The following AP3D1 variants were observed in gnomAD, a reference collection of about 807,000 sequenced individuals.
AP3D1 encodes adaptor related protein complex 3 subunit delta 1, also known as AP-3 complex subunit delta-1.
In AP3D1, 51 loss-of-function variants were observed where a neutral mutation model predicts 147.6. That is an observed-to-expected ratio of 0.35 (90% confidence interval 0.28 to 0.44). The LOEUF (loss-of-function observed/expected upper bound fraction) is 0.44. Among genes scored for constraint, AP3D1 ranks in the 20% least tolerant of loss-of-function variants. The pLI, the probability that AP3D1 is intolerant of heterozygous loss-of-function variation, is 1.00. For synonymous variants in AP3D1, 760 were observed against 663.0 expected (o/e 1.15, Z -2.25); for missense variants, 1,421 against 1,624.2 (o/e 0.87, Z 2.15).
chr19:2,161,126 ACTGT>A (rs2019693521), intron 1 of AP3D1, among the ~76,000 whole-genome samples: 1 of 145,954 alleles, frequency 6.9e-6, no homozygotes, highest in Non-Finnish European at 1.5e-5. Flanking sequence ...CCTGGTTTAC[ACTGT>A]CTGGCCCATC....
intron 14 of AP3D1, among the ~76,000 whole-genome samples, chr19:2,119,404 GA>G (rs1191792464): frequency 4.0e-5 from 6 of 148,912 alleles, no homozygotes; most frequent in Non-Finnish European, 9.0e-5. Flanking sequence ...TAAAAATACA[GA>G]AAGTGAGGGC....
intron 5 of AP3D1, among the ~76,000 whole-genome samples, 172 bp downstream of exon 5, chr19:2,132,299 C>T (rs921277568): frequency 6.6e-6 from 1 of 152,238 alleles, no homozygotes; most frequent in Non-Finnish European, 1.5e-5. Flanking sequence ...GGAACCAAAG[C>T]GGCCCAAGAG....
rs772250918 is a variant in AP3D1 at position 2,116,693 on chromosome 19, T to G, written c.1913A>C (p.Asp638Ala). ...NEPLSDSESE[D>A]ERPRAVFHEE... ...GTGGAAGACGGCCCTGGGCCTCTCG[T>G]CCTCTGACTCGCTGTCCGAGAGTGG... The change falls in exon 17 of 32, where the codon GAC becomes GCC. Residue 638 changes from aspartate to alanine, a missense_variant. By Grantham distance (126) the Asp-to-Ala change is moderately radical. Coordinates refer to ENST00000643116, the MANE Select transcript of AP3D1 (RefSeq NM_001261826.3). 1.2e-6 allele frequency: 2 copies of G among 1,611,012 alleles called. No individual in the cohort carries two copies. The highest frequency in any genetic ancestry group is 1.7e-4 in the Middle Eastern group (1 of 6,030).
upstream of AP3D1, among the ~76,000 whole-genome samples, chr19:2,154,112 T>A (rs938759739): frequency 3.9e-5 from 6 of 151,978 alleles, no homozygotes; most frequent in African/African-American, 1.5e-4. Context: ...CACCTCCAGC[T>A]AATTTTTGTA....
intron 1 of AP3D1, among the ~76,000 whole-genome samples, chr19:2,140,327 G>A (rs1217189184): frequency 6.6e-6 from 1 of 152,132 alleles, no homozygotes; most frequent in African/African-American, 2.4e-5. Context: ...GTGCACCCGA[G>A]GGGATGGAAA....
chr19:2,120,088 C>A (rs899197577), intron 14 of AP3D1, among the ~76,000 whole-genome samples: 3 of 152,092 alleles, frequency 2.0e-5, no homozygotes, highest in African/African-American at 7.2e-5. Context: ...CTCGGTGTGG[C>A]CGTGATGAGC....
At chr19:2,111,942 G>A in intron 24 of AP3D1, 114 bp from the exon 25 acceptor site, 1 of 1,517,858 alleles carries the variant, frequency 6.6e-7, no homozygotes, top group Non-Finnish European at 8.9e-7. Flanking sequence ...CACGTGCCTG[G>A]GTGGGATGGC....
At chr19:2,115,197 C>T (rs1018230332) in intron 20 of AP3D1, 22 bp downstream of exon 20, 38 of 1,604,782 alleles carry the variant, frequency 2.4e-5, no homozygotes, top group Non-Finnish European at 3.1e-5. Flanking sequence ...ATCCTAGGAC[C>T]GGGACCTCCA....
chr19:2,144,368 G>C (rs1033722741), intron 1 of AP3D1, among the ~76,000 whole-genome samples: 1 of 152,186 alleles, frequency 6.6e-6, no homozygotes, highest in African/African-American at 2.4e-5. Flanking sequence ...CAGAGCGGCC[G>C]CGGCCACCCT....
chr19:2,116,805 G>C, intron 16 of AP3D1, 59 bp from the exon 17 acceptor site: 3 of 1,526,972 alleles, frequency 2.0e-6, no homozygotes, highest in Non-Finnish European at 2.6e-6. Flanking sequence ...GCCTGCAGGC[G>C]TCCGCCCTGA....
At chr19:2,113,277 T>C (rs1386297053) in intron 23 of AP3D1, 59 bp downstream of exon 23, 3 of 864,210 alleles carry the variant, frequency 3.5e-6, no homozygotes, top group African/African-American at 1.8e-5. Context: ...CTTCCCTGAG[T>C]GCCAGGTATG....
Position 2,127,327 on chromosome 19 carries a change from G to A in AP3D1, c.807-126C>T, listed in dbSNP as rs189461082. ...GGCTCAGGGAGTGTGCCCCAGGAGGGAGCCCGTGCCTTGCTCTCCAAGGCC... is the reference window on the plus strand; with the variant it reads ...GGCTCAGGGAGTGTGCCCCAGGAGGAAGCCCGTGCCTTGCTCTCCAAGGCC... On this transcript the variant is annotated intron_variant, in intron 8 of 31. Coordinates refer to ENST00000643116, the MANE Select transcript of AP3D1 (RefSeq NM_001261826.3). 4 of 1,004,698 alleles carry A rather than the reference G, an allele frequency of 4.0e-6. No individual in the cohort carries two copies. The Admixed American group carries it at 6.2e-5, about 16-fold the overall frequency. The allele number at this position is 1,004,698 out of a possible 1,614,324, so 62.2% of individuals were successfully genotyped here. A position where few individuals can be genotyped will look rare whatever the true frequency, so the allele number is the denominator to read the frequency against.
In AP3D1 at chr19:2,137,823, C is replaced by A. The variant is rs762448254; in HGVS notation, c.193-16G>T. ...ACATCTGTAACTGTTAAGGGACGCA[C>A]AGGAAATTGCACTCACAAGCCAAAG... On this transcript the variant is annotated splice_polypyrimidine_tract_variant and intron_variant, in intron 2 of 31. Transcript: ENST00000643116. 4 of 1,612,946 alleles carry A rather than the reference C, an allele frequency of 2.5e-6. No homozygotes were observed. Among genetic ancestry groups the A allele is most frequent in the Non-Finnish European group, 3.4e-6 (4 of 1,179,294 alleles).
At chr19:2,164,422 C>T (rs2019829333) in exon 1 of AP3D1, 1 of 456,304 alleles carries the variant, frequency 2.2e-6, no homozygotes, top group South Asian at 1.1e-4. Context: ...TGCTTCCCGG[C>T]CGAGGGCCCC....
Position 2,126,522 on chromosome 19 carries a change from C to T in AP3D1, c.856+630G>A, listed in dbSNP as rs149202872. Among the ~76,000 whole-genome samples, 785 of 151,916 alleles carry T rather than the reference C, an allele frequency of 5.2e-3. 5 individuals are homozygous for T. Among genetic ancestry groups the T allele is most frequent in the Middle Eastern group, 0.01 (3 of 294 alleles). On this transcript the variant is annotated intron_variant, in intron 9 of 31. Transcript: ENST00000643116. ...TACAAAAATTAGCCAGGCGTGGTGG[C>T]GGGCGCCTATAGTCCCTGCTACTCG...
upstream of AP3D1, among the ~76,000 whole-genome samples, chr19:2,152,921 A>G (rs1320280445): frequency 6.6e-6 from 1 of 152,038 alleles, no homozygotes; most frequent in Non-Finnish European, 1.5e-5. Context: ...GATATTTACA[A>G]TACATATATC....
At chr19:2,158,570 A>G (rs2019668148) in intron 1 of AP3D1, among the ~76,000 whole-genome samples, 1 of 151,298 alleles carries the variant, frequency 6.6e-6, no homozygotes, top group East Asian at 1.9e-4. Context: ...GGCCTCCCAA[A>G]GTGCTAGGAT....
At chr19:2,132,401 G>T in intron 5 of AP3D1, 70 bp downstream of exon 5, 1 of 1,419,992 alleles carries the variant, frequency 7.0e-7, no homozygotes, top group Non-Finnish European at 9.8e-7. Context: ...AAGCTTCCCA[G>T]GCATGCCACT....
At chr19:2,108,044 G>A (rs764692742) in intron 31 of AP3D1, among the ~76,000 whole-genome samples, 19 of 152,310 alleles carry the variant, frequency 1.2e-4, no homozygotes, top group Non-Finnish European at 1.9e-4. Context: ...CCCCAGGCCC[G>A]ATGGTTTTCT....
Sources: allele counts gnomAD v4.1 joint callset (sites outside exome capture counted in the v4.1 genomes callset), GRCh38; gene constraint gnomAD v4.1.1; transcripts MANE v1.5; gene names NCBI Gene and HGNC (gene_info 2026-07-23, HGNC 2026-07-21).